VAV2: variants seen among roughly 807,000 people sequenced by gnomAD.
VAV2 encodes the protein guanine nucleotide exchange factor VAV2.
Under a neutral mutation model 132.5 loss-of-function variants are expected in VAV2, and 67 were observed. The observed-to-expected ratio is 0.51, with a 90% CI of 0.42 to 0.62. VAV2 has a LOEUF of 0.62. Among genes scored for constraint, VAV2 ranks in the 20% least tolerant of loss-of-function variants. The pLI is 0.00. For synonymous variants in VAV2, 492 were observed against 443.5 expected (o/e 1.11, Z -1.37); for missense variants, 938 against 1,153.6 (o/e 0.81, Z 2.71).
intron 25 of VAV2, 35 bp from the exon 26 acceptor site, chr9:133,772,081 G>A: frequency 1.3e-6 from 2 of 1,591,548 alleles, no homozygotes; most frequent in South Asian, 1.1e-5. Context: ...GTCACCGCGT[G>A]AGGGCCACAC....
In VAV2 at chr9:133,810,233, C is replaced by T. The variant is rs747914744; in HGVS notation, c.553-28G>A. ...GCAAGCGTGGAGAAAGAACCAGAAA[C>T]AGCGCCGGTTAGCAGGGCCCACACT... On this transcript the variant is annotated intron_variant, in intron 5 of 29. Coordinates refer to ENST00000371850, the MANE Select transcript of VAV2 (RefSeq NM_001134398.2). The T allele has an allele frequency of 1.4e-5, 22 of 1,613,200 alleles. No homozygotes were observed. In the South Asian group the frequency reaches 2.3e-4, roughly 17 times the overall value.
rs1011562209 is a variant in VAV2, at chr9:133,829,456, T to A, written c.449+4816A>T. Among the ~76,000 whole-genome samples, 12 of 152,364 alleles carry A rather than the reference T, an allele frequency of 7.9e-5. No homozygotes were observed. The South Asian group carries it at 1.7e-3, about 21-fold the overall frequency. On this transcript the variant is annotated intron_variant, in intron 4 of 29. Transcript: ENST00000371850. ...CCGGCACAGAGCCACTGGCCACGTG[T>A]GGCTGTCCGGCTCACAACATGACAA...
At chr9:133,851,120 G>T (rs532853301) in intron 3 of VAV2, among the ~76,000 whole-genome samples, 5 of 152,214 alleles carry the variant, frequency 3.3e-5, no homozygotes, top group Non-Finnish European at 7.3e-5. Flanking sequence ...CGGGCTTTAG[G>T]GGATTCCTGA....
At chr9:133,819,649 C>G (rs1208546369) in intron 4 of VAV2, among the ~76,000 whole-genome samples, 1 of 152,184 alleles carries the variant, frequency 6.6e-6, no homozygotes, top group African/African-American at 2.4e-5. Flanking sequence ...CCTTAGGCTC[C>G]CTTCCTACCG....
intron 1 of VAV2, among the ~76,000 whole-genome samples, chr9:133,972,304 A>G (rs2132260522): frequency 6.6e-6 from 1 of 152,298 alleles, no homozygotes; most frequent in African/African-American, 2.4e-5. Flanking sequence ...ACAGTCAGGA[A>G]TTGCTGGGCA....
Position 133,768,602 on chromosome 9 carries a change from G to A in VAV2, c.2435-6C>T. 1 of 1,612,882 alleles carries A rather than the reference G, an allele frequency of 6.2e-7. No homozygotes were observed. The highest frequency in any genetic ancestry group is 8.5e-7 in the Non-Finnish European group (1 of 1,179,576). On this transcript the variant is annotated splice_polypyrimidine_tract_variant and splice_region_variant and intron_variant, in intron 28 of 29. Transcript: ENST00000371850. The surrounding 1 kb of genome is among the most constrained non-coding windows in gnomAD (Gnocchi z 5.3). ...GATGACGCGGGGCGTGAACACTGTT[G>A]AGGGAGATGGGCAGCATCACACAGC...
chr9:133,921,139 G>A (rs886760540), intron 2 of VAV2, among the ~76,000 whole-genome samples: 27 of 152,290 alleles, frequency 1.8e-4, no homozygotes, highest in African/African-American at 6.0e-4. Flanking sequence ...GGGAGACGGC[G>A]GGGGATACAG....
At position 133,768,986 on chromosome 9, in the gene VAV2, C is replaced by A. The variant is rs1290802355; in HGVS notation, c.2435-390G>T. 6.6e-6 allele frequency among the ~76,000 whole-genome samples: 1 copy of A among 152,198 alleles called. No individual in the cohort carries two copies. Among genetic ancestry groups the A allele is most frequent in the Non-Finnish European group, 1.5e-5 (1 of 68,030 alleles). ...ATGGCTGAGGGCGAAACACACACAG[C>A]TGCTGGGAAGGGACTTTGACTCTGG... On this transcript the variant is annotated intron_variant, in intron 28 of 29. Transcript: ENST00000371850. The surrounding 1 kb of genome is among the most constrained non-coding windows in gnomAD (Gnocchi z 5.3).
intron 1 of VAV2, among the ~76,000 whole-genome samples, chr9:133,986,970 G>C (rs429461): frequency 0.31 from 46,879 of 151,548 alleles, 7,855 homozygotes; most frequent in Middle Eastern, 0.43. Context: ...CACAAAGCCT[G>C]CGTGGCACAC....
intron 1 of VAV2, among the ~76,000 whole-genome samples, chr9:133,968,114 C>T (rs1304338774): frequency 6.6e-6 from 1 of 151,930 alleles, no homozygotes; most frequent in Non-Finnish European, 1.5e-5. Context: ...TAGACAGGAA[C>T]GAGTCCTAGT....
intron 1 of VAV2, among the ~76,000 whole-genome samples, chr9:133,979,958 C>T (rs1264301071): frequency 7.2e-5 from 11 of 152,252 alleles, no homozygotes; most frequent in Admixed American, 5.9e-4. Context: ...TTATTCTGTG[C>T]CCCCTCCAGA....
At chr9:133,955,906 T>C (rs944574977) in intron 1 of VAV2, among the ~76,000 whole-genome samples, 7 of 149,258 alleles carry the variant, frequency 4.7e-5, no homozygotes, top group Admixed American at 4.0e-4. Flanking sequence ...GCTCAGTTCC[T>C]GCCGCTTCCG....
At chr9:133,868,073 A>T (rs1411973899) in intron 2 of VAV2, among the ~76,000 whole-genome samples, 1 of 152,222 alleles carries the variant, frequency 6.6e-6, no homozygotes, top group East Asian at 1.9e-4. Flanking sequence ...TTCTCCAATG[A>T]TTGTTAACTG....
chr9:133,792,873 C>T (rs1834552896), intron 12 of VAV2, among the ~76,000 whole-genome samples: 1 of 152,088 alleles, frequency 6.6e-6, no homozygotes, highest in Admixed American at 6.5e-5. Context: ...ATGCCAAGAG[C>T]CCCAAACTCC....
At chr9:133,811,862 G>A (rs1487337157) in intron 5 of VAV2, among the ~76,000 whole-genome samples, 1 of 152,222 alleles carries the variant, frequency 6.6e-6, no homozygotes, top group South Asian at 2.1e-4. Flanking sequence ...GGGCACCTGA[G>A]AACATCTCCA....
intron 3 of VAV2, among the ~76,000 whole-genome samples, chr9:133,847,936 C>T (rs1837002403): frequency 6.6e-6 from 1 of 152,134 alleles, no homozygotes. Context: ...GGGAAAGAAG[C>T]AAGTCCAAGA....
chr9:133,777,808 T>C (rs573524194), intron 22 of VAV2, among the ~76,000 whole-genome samples: 6 of 152,176 alleles, frequency 3.9e-5, no homozygotes, highest in Non-Finnish European at 8.8e-5. Context: ...TCCTGTTACA[T>C]GAATGTAGGG....
chr9:133,982,450 G>A (rs542692635), intron 1 of VAV2, among the ~76,000 whole-genome samples: 3 of 126,106 alleles, frequency 2.4e-5, no homozygotes, highest in South Asian at 2.5e-4. Context: ...GGGCATGGCA[G>A]ACTCTGGCTG....
intron 2 of VAV2, among the ~76,000 whole-genome samples, chr9:133,932,797 A>G (rs1353025403): frequency 6.6e-6 from 1 of 152,212 alleles, no homozygotes; most frequent in Non-Finnish European, 1.5e-5. Context: ...AGGCAGGTGC[A>G]GTGGACCACC....
Sources: gnomAD v4.1 joint callset for allele counts (sites outside exome capture counted in the v4.1 genomes callset) on GRCh38, gnomAD v4.1.1 for gene constraint, Gnocchi (gnomAD v3.1) non-coding constraint, MANE v1.5 for transcripts, NCBI Gene and HGNC (gene_info 2026-07-23, HGNC 2026-07-21) for gene names.